Variants in DNAAF11 observed in about 807,000 individuals in gnomAD.
The protein encoded by DNAAF11 is leucine rich repeat containing 6.
In DNAAF11, 45 loss-of-function variants were observed where a neutral mutation model predicts 60.8. The observed-to-expected ratio is 0.74, with a 90% confidence interval of 0.58 to 0.95. DNAAF11 has a LOEUF of 0.95. Among genes scored for constraint, DNAAF11 ranks in the 40% least tolerant of loss-of-function variants. The pLI is 0.00. For synonymous variants in DNAAF11, 191 were observed against 183.5 expected (o/e 1.04, Z -0.33); for missense variants, 546 against 546.2 (o/e 1.00, Z 0.00).
the DNAAF11 span, among the ~76,000 whole-genome samples, chr8:132,696,359 T>A: frequency 6.6e-6 from 1 of 152,136 alleles, no homozygotes; most frequent in Admixed American, 6.5e-5. Flanking sequence ...TACATAATAG[T>A]ACACTCACTT....
chr8:132,674,287 G>C (rs1479575460), intron 1 of DNAAF11, among the ~76,000 whole-genome samples: 7 of 152,090 alleles, frequency 4.6e-5, no homozygotes, highest in Admixed American at 3.9e-4. Flanking sequence ...CCTGAGAAGA[G>C]AGGAAGAAAT....
chr8:132,675,395 G>C, intron 1 of DNAAF11, 89 bp downstream of exon 1: 1 of 1,429,910 alleles, frequency 7.0e-7, no homozygotes, highest in Non-Finnish European at 9.5e-7. Context: ...CGACAGCGCA[G>C]GGCGGGAGCG....
chr8:132,630,915 T>C (rs543620169), intron 5 of DNAAF11, among the ~76,000 whole-genome samples: 1 of 152,322 alleles, frequency 6.6e-6, no homozygotes, highest in South Asian at 2.1e-4. Context: ...AAAACTCTTG[T>C]ATATTGTTGA....
chr8:132,632,083 G>C (rs1820859370), intron 5 of DNAAF11, among the ~76,000 whole-genome samples: 1 of 150,400 alleles, frequency 6.6e-6, no homozygotes, highest in South Asian at 2.1e-4. Flanking sequence ...ATTAAATCTA[G>C]GTGGTAGAAC....
rs1056548399 is a variant in DNAAF11, at chr8:132,625,433, G to T, written c.675C>A (p.Asp225Glu). The T allele has an allele frequency of 1.6e-5, 26 of 1,608,318 alleles. No individual in the cohort carries two copies. The highest frequency in any genetic ancestry group is 2.1e-5 in the Non-Finnish European group (25 of 1,178,132). The part of the protein sequence containing the change: ...NATLSSLESK[D>E]HLQAPDTEEH... ...CCTCTGTGTCTGGTGCCTGTAGGTG[G>T]TCTTTGCTCTCTAAAGAGGAACTAG... The change falls in exon 6 of 12, where the codon GAC (aspartate) becomes GAA (glutamate). Residue 225 changes from aspartate (D) to glutamate (E), a missense_variant. Transcript: ENST00000620350.
chr8:132,659,554 C>A (rs1479347066), intron 2 of DNAAF11, among the ~76,000 whole-genome samples: 1 of 152,058 alleles, frequency 6.6e-6, no homozygotes, highest in African/African-American at 2.4e-5. Flanking sequence ...TCTTTCATGC[C>A]CCCATGCATA....
intron 2 of DNAAF11, among the ~76,000 whole-genome samples, chr8:132,658,515 G>A (rs1486406242): frequency 2.0e-5 from 3 of 152,048 alleles, no homozygotes; most frequent in African/African-American, 7.2e-5. Flanking sequence ...TAGAGATGGG[G>A]TTTCACTGTG....
At chr8:132,675,452 C>T (rs746618250) in intron 1 of DNAAF11, 32 bp downstream of exon 1, 3 of 1,554,600 alleles carry the variant, frequency 1.9e-6, no homozygotes, top group Non-Finnish European at 2.6e-6. Context: ...ACAAGGGGAA[C>T]GATCGAGGAC....
chr8:132,646,595 T>G (rs910113995), intron 3 of DNAAF11, among the ~76,000 whole-genome samples: 9 of 152,226 alleles, frequency 5.9e-5, no homozygotes, highest in African/African-American at 2.2e-4. Flanking sequence ...GAGACCCATC[T>G]CACGTGCAGA....
chr8:132,578,596 C>A, intron 11 of DNAAF11: 1 of 763,238 alleles, frequency 1.3e-6, no homozygotes, highest in Non-Finnish European at 2.1e-6. Context: ...TCACTAAGTG[C>A]AAAACACATC....
the DNAAF11 span, among the ~76,000 whole-genome samples, chr8:132,696,778 T>C: frequency 6.6e-6 from 1 of 152,076 alleles, no homozygotes; most frequent in East Asian, 1.9e-4. Context: ...TCTTAGCAAA[T>C]GAATGCAGAA....
At chr8:132,579,790 T>C (rs1248825011) in intron 11 of DNAAF11, among the ~76,000 whole-genome samples, 1 of 149,506 alleles carries the variant, frequency 6.7e-6, no homozygotes, top group African/African-American at 2.5e-5. Flanking sequence ...AGGCCAGGAG[T>C]TTGAGACCAG....
At chr8:132,661,706 G>C in intron 1 of DNAAF11, 79 bp from the exon 2 acceptor site, 1 of 1,453,930 alleles carries the variant, frequency 6.9e-7, no homozygotes, top group Non-Finnish European at 9.6e-7. Flanking sequence ...ACGCATTTGT[G>C]TTTTTTTTGT....
chr8:132,581,402 C>A (rs1472342953), intron 11 of DNAAF11, among the ~76,000 whole-genome samples: 1 of 152,098 alleles, frequency 6.6e-6, no homozygotes, highest in African/African-American at 2.4e-5. Context: ...GTAATCCCAG[C>A]ACTTTGGGAG....
At chr8:132,648,086 T>A (rs58447322) in intron 3 of DNAAF11, among the ~76,000 whole-genome samples, 11,400 of 152,200 alleles carry the variant, frequency 0.075, 1,160 homozygotes, top group African/African-American at 0.23. Context: ...ATATCCTTGA[T>A]TAATATCGAT....
At chr8:132,681,162 G>A in the DNAAF11 span, among the ~76,000 whole-genome samples, 11 of 150,836 alleles carry the variant, frequency 7.3e-5, no homozygotes, top group African/African-American at 2.4e-4. Context: ...AGGCATGCAC[G>A]ACCACGCCTG....
intron 8 of DNAAF11, among the ~76,000 whole-genome samples, chr8:132,614,611 G>T (rs1001283932): frequency 6.6e-6 from 1 of 152,110 alleles, no homozygotes; most frequent in Admixed American, 6.5e-5. Context: ...GGGAAGAAGG[G>T]TCCACTGGTG....
At chr8:132,638,363 C>T (rs992898137) in intron 3 of DNAAF11, among the ~76,000 whole-genome samples, 2 of 152,110 alleles carry the variant, frequency 1.3e-5, no homozygotes, top group African/African-American at 4.8e-5. Flanking sequence ...TCCCTGCTCA[C>T]ACTTACAAGG....
At chr8:132,584,407 T>G (rs1815664930) in intron 10 of DNAAF11, among the ~76,000 whole-genome samples, 1 of 152,182 alleles carries the variant, frequency 6.6e-6, no homozygotes, top group Non-Finnish European at 1.5e-5. Context: ...AAGGAACTCC[T>G]AAGACATCAG....
Sources: gnomAD v4.1 joint callset for allele counts (sites outside exome capture counted in the v4.1 genomes callset) on GRCh38, gnomAD v4.1.1 for gene constraint, MANE v1.5 for transcripts, NCBI Gene and HGNC (gene_info 2026-07-23, HGNC 2026-07-21) for gene names.